The following CCDC40 variants were observed in gnomAD, a reference collection of about 807,000 sequenced individuals.
CCDC40 encodes coiled-coil domain-containing protein 40.
CCDC40 carries 104 observed loss-of-function variants against 124.5 expected under a neutral mutation model. The observed-to-expected ratio is 0.84, with a 90% confidence interval of 0.71 to 0.98. The LOEUF (loss-of-function observed/expected upper bound fraction) is 0.98, where lower values mean the gene tolerates loss of function less well. CCDC40 is among the 50% of genes least tolerant of loss of function. The pLI, the probability that CCDC40 is intolerant of heterozygous loss-of-function variation, is 0.00. For synonymous variants in CCDC40, 580 were observed against 602.9 expected (o/e 0.96, Z 0.56); for missense variants, 1,463 against 1,503.9 (o/e 0.97, Z 0.45).
Position 80,084,853 on chromosome 17 carries a change from G to C in CCDC40, c.2100G>C (p.Gln700His), listed in dbSNP as rs1424040420. ...AHQKTLVELDQDVKKVNELIT... is the reference protein window; with the variant it reads ...AHQKTLVELDHDVKKVNELIT... ...AGAAGACCCTGGTGGAGCTGGACCA[G>C]GACGTGAAGAAAGTCAACGAGCTCA... Residue 700 changes from glutamine (Q) to histidine (H), a missense_variant, in exon 13 of 20, where the codon CAG becomes CAC. Gln to His is a conservative substitution (Grantham distance 24). Transcript: ENST00000397545. 1 of 1,614,194 alleles carries C rather than the reference G, an allele frequency of 6.2e-7. No homozygotes were observed. Among genetic ancestry groups the C allele is most frequent in the East Asian group, 2.2e-5 (1 of 44,884 alleles).
intron 7 of CCDC40, among the ~76,000 whole-genome samples, chr17:80,054,536 G>A (rs1325119782): frequency 6.6e-6 from 1 of 152,134 alleles, no homozygotes; most frequent in African/African-American, 2.4e-5. Flanking sequence ...CATACAAGCA[G>A]GAAACTGTAA....
chr17:80,069,794 CAG>C (rs536600042), intron 10 of CCDC40, among the ~76,000 whole-genome samples: 10 of 150,340 alleles, frequency 6.7e-5, no homozygotes, highest in African/African-American at 9.7e-5. Context: ...GAGAGAGAGA[CAG>C]AGAGAGAGAG....
chr17:80,056,006 A>ATTTTT (rs1323101032), intron 7 of CCDC40, among the ~76,000 whole-genome samples: 121 of 9,104 alleles, frequency 0.013, 1 homozygote, highest in Non-Finnish European at 0.018. Flanking sequence ...ATATATATAT[A>ATTTTT]TATATATATA....
rs867251683 is a variant in CCDC40, at chr17:80,070,098, T to A, written c.1562+4492T>A. Among the ~76,000 whole-genome samples the A allele has an allele frequency of 8.5e-5, 13 of 152,316 alleles. 1 individual carries two copies. In the East Asian group the frequency reaches 1.9e-3, roughly 23 times the overall value. On this transcript the variant is annotated intron_variant, in intron 10 of 19. Coordinates refer to ENST00000397545, the MANE Select transcript of CCDC40 (RefSeq NM_017950.4). ...AAGGGGACACTGTCCTTGCCCCCAG[T>A]TGATGGAGGAGGAAGGAGCGGAAGG...
chr17:80,089,807 G>A lies in CCDC40; in HGVS notation c.2755G>A (p.Glu919Lys). ...LWEKKIQLAKEMRSSVDSEIG... is the reference protein window; with the variant it reads ...LWEKKIQLAKKMRSSVDSEIG... ...GGAGAAAAAAATCCAACTGGCAAAA[G>A]AGATGCGTTCCTCAGTGGATTCCGA... Residue 919 changes from glutamate to lysine, a missense_variant, in exon 17 of 20, where the codon GAG becomes AAG. Coordinates refer to ENST00000397545, the MANE Select transcript of CCDC40 (RefSeq NM_017950.4). 1 of 1,614,274 alleles carries A rather than the reference G, an allele frequency of 6.2e-7. No individual in the cohort carries two copies. The highest frequency in any genetic ancestry group is 8.5e-7 in the Non-Finnish European group (1 of 1,180,040).
At chr17:80,079,698 G>A (rs934395486) in intron 10 of CCDC40, among the ~76,000 whole-genome samples, 1 of 150,982 alleles carries the variant, frequency 6.6e-6, no homozygotes, top group African/African-American at 2.4e-5. Flanking sequence ...GAGGCAGGTG[G>A]ATCACTTGAG....
rs752670765 is a variant in CCDC40, at chr17:80,084,928, G to A, written c.2175G>A (p.Arg725=). 1 of 1,614,110 alleles carries A rather than the reference G, an allele frequency of 6.2e-7. No homozygotes were observed. The highest frequency in any genetic ancestry group is 2.2e-5 in the East Asian group (1 of 44,872). The change falls in exon 13 of 20, where the codon AGG becomes AGA. Residue 725 remains arginine (R), a synonymous_variant. Transcript: ENST00000397545. ...EISRRTILIE[R]KQGLINFLNK... is the part of the protein sequence containing the mutation. ...CCCGGCGCACGATCCTGATCGAGAG[G>A]AAGCAAGGGCTCATCAACTTCCTCA...
chr17:80,076,015 G>T (rs1418287723), intron 10 of CCDC40, among the ~76,000 whole-genome samples: 3 of 152,146 alleles, frequency 2.0e-5, no homozygotes, highest in African/African-American at 7.2e-5. Context: ...GCTTCTTACG[G>T]ATGAGCGTTT....
chr17:80,083,240 T>TG (rs960763881), intron 12 of CCDC40, among the ~76,000 whole-genome samples: 1 of 148,790 alleles, frequency 6.7e-6, no homozygotes, highest in Admixed American at 6.7e-5. Context: ...AGGGAGTCCT[T>TG]GGGGGGCCCA....
chr17:80,066,227 C>T lies in CCDC40; in HGVS notation c.1562+621C>T. ...ACTTCCCCTCCACCTTTCGTAGTCT[C>T]CACCCCTTGTGCCCAGCACAGAGCC... On this transcript the variant is annotated intron_variant, in intron 10 of 19. Transcript: ENST00000397545. This position sits in a 1 kb window ranked among gnomAD's most constrained non-coding sequence, Gnocchi z 4.4. The T allele has an allele frequency of 1.4e-6, 1 of 702,476 alleles. No homozygotes were observed. Among genetic ancestry groups the T allele is most frequent in the Non-Finnish European group, 2.6e-6 (1 of 384,706 alleles). The allele number at this position is 702,476 out of a possible 1,614,324, so 43.5% of individuals were successfully genotyped here.
chr17:80,077,462 G>A lies in CCDC40; in HGVS notation c.1563-4084G>A, dbSNP rs1040534355. On this transcript the variant is annotated intron_variant, in intron 10 of 19. Transcript: ENST00000397545. Reference sequence around the variant, plus strand: ...CCCTTGAGCCTGGTAGGTGGAGGTTGCAGTGAGCCGAGATTGCGCCATTGC... The same window carrying A: ...CCCTTGAGCCTGGTAGGTGGAGGTTACAGTGAGCCGAGATTGCGCCATTGC... Among the ~76,000 whole-genome samples, 6 of 152,212 alleles carry A rather than the reference G, an allele frequency of 3.9e-5. 1 individual carries two copies. Among genetic ancestry groups the A allele is most frequent in the Non-Finnish European group, 8.8e-5 (6 of 68,038 alleles).
intron 12 of CCDC40, among the ~76,000 whole-genome samples, chr17:80,083,170 G>A (rs1392801547): frequency 1.3e-5 from 2 of 151,976 alleles, no homozygotes; most frequent in Non-Finnish European, 1.5e-5. Flanking sequence ...CTGTGACGGG[G>A]AGGGACTGAA....
intron 10 of CCDC40, chr17:80,067,902 A>T: frequency 7.5e-7 from 1 of 1,341,800 alleles, no homozygotes; most frequent in Admixed American, 3.3e-5. Context: ...GCATGCGCAG[A>T]ATGTTGAGTG....
Position 80,039,916 on chromosome 17 carries a change from G to T in CCDC40, c.198G>T (p.Glu66Asp). 6.2e-7 allele frequency: 1 copy of T among 1,613,450 alleles called. No homozygotes were observed. The change falls in exon 3 of 20, where the codon GAG becomes GAT. Residue 66 changes from glutamate (E) to aspartate (D), a missense_variant. Coordinates refer to ENST00000397545, the MANE Select transcript of CCDC40 (RefSeq NM_017950.4). ...VTTQAEAAIEEGEVETEGEAA... is the reference protein window; with the variant it reads ...VTTQAEAAIEDGEVETEGEAA... ...CCCAAGCGGAAGCTGCAATTGAAGAGGGGGAGGTGGAGACAGAAGGGGAAG... is the reference window on the plus strand; with the variant it reads ...CCCAAGCGGAAGCTGCAATTGAAGATGGGGAGGTGGAGACAGAAGGGGAAG...
intron 10 of CCDC40, among the ~76,000 whole-genome samples, chr17:80,076,180 C>T (rs2038306207): frequency 6.6e-6 from 1 of 152,170 alleles, no homozygotes; most frequent in African/African-American, 2.4e-5. Flanking sequence ...GGGTAAAATC[C>T]TATCAAACAG....
Position 80,089,814 on chromosome 17 carries a change from G to C in CCDC40, c.2762G>C (p.Arg921Pro). 1 of 1,614,252 alleles carries C rather than the reference G, an allele frequency of 6.2e-7. No individual in the cohort carries two copies. Among genetic ancestry groups the C allele is most frequent in the South Asian group, 1.1e-5 (1 of 91,092 alleles). Residue 921 changes from arginine to proline, a missense_variant, in exon 17 of 20, where the codon CGT (arginine) becomes CCT (proline). Arg to Pro is a moderately radical substitution (Grantham distance 103, BLOSUM62 -2). Transcript: ENST00000397545. ...AAAATCCAACTGGCAAAAGAGATGC[G>C]TTCCTCAGTGGATTCCGAGATCGGC... Reference protein sequence around the residue: ...EKKIQLAKEMRSSVDSEIGQT... With the variant: ...EKKIQLAKEMPSSVDSEIGQT...
intron 13 of CCDC40, among the ~76,000 whole-genome samples, chr17:80,085,541 T>C (rs994913163): frequency 5.3e-5 from 8 of 152,136 alleles, no homozygotes; most frequent in African/African-American, 1.9e-4. Flanking sequence ...GCGGGGTCTG[T>C]GGCTTGCGGC....
In CCDC40 at chr17:80,058,910, T is replaced by G. The variant is rs761146944; in HGVS notation, c.1370T>G (p.Ile457Ser). Residue 457 changes from isoleucine (I) to serine (S), a missense_variant, in exon 9 of 20, where the codon ATT becomes AGT. Transcript: ENST00000397545. The surrounding 1 kb of genome is among the most constrained non-coding windows in gnomAD (Gnocchi z 4.2). Reference protein sequence around the residue: ...TTRAQQLEEDIALFEAQYLAQ... With the variant: ...TTRAQQLEEDSALFEAQYLAQ... ...CGAGCCCAGCAACTGGAAGAAGACATTGCCCTGTTTGAGGCTCAGTACTTG... is the reference window on the plus strand; with the variant it reads ...CGAGCCCAGCAACTGGAAGAAGACAGTGCCCTGTTTGAGGCTCAGTACTTG... 4 of 1,614,140 alleles carry G rather than the reference T, an allele frequency of 2.5e-6. No individual in the cohort carries two copies. The South Asian group carries it at 4.4e-5, about 18-fold the overall frequency.
In CCDC40 at chr17:80,050,196, G is replaced by GA. The variant is rs781507988; in HGVS notation, c.1073dup (p.Arg359AlafsTer35). ...CGACCGCCACGCAATGGCCTCGAGC[G>GA]AGCGCAGGCAGAAGGAGGAGGAGCT... On this transcript the variant is annotated frameshift_variant, in exon 7 of 20. Transcript: ENST00000397545. LOFTEE classifies it high-confidence loss of function. 2.1e-5 allele frequency: 34 copies of GA among 1,611,542 alleles called. No individual in the cohort carries two copies. The highest frequency in any genetic ancestry group is 2.5e-5 in the Non-Finnish European group (30 of 1,179,574).
Sources: gnomAD v4.1 joint callset for allele counts (sites outside exome capture counted in the v4.1 genomes callset) on GRCh38, gnomAD v4.1.1 for gene constraint, Gnocchi (gnomAD v3.1) non-coding constraint, MANE v1.5 for transcripts, NCBI Gene and HGNC (gene_info 2026-07-23, HGNC 2026-07-21) for gene names.